ESRRG: variants seen among roughly 807,000 people sequenced by gnomAD.
The protein encoded by ESRRG is estrogen related receptor gamma.
A neutral mutation model predicts 44.0 loss-of-function variants in ESRRG; 13 were observed. The ratio of observed to expected loss-of-function variants is 0.30; its 90% confidence interval spans 0.19 to 0.47. The LOEUF (loss-of-function observed/expected upper bound fraction) is 0.47. ESRRG is among the 20% of genes least tolerant of loss of function. The pLI is 1.00. For missense variants in ESRRG, 395 were observed against 580.6 expected (o/e 0.68, Z 3.29); for synonymous variants, 215 against 214.6 (o/e 1.00, Z -0.02).
chr1:216,779,704 CA>C (rs2147850622), intron 2 of ESRRG, among the ~76,000 whole-genome samples: 1 of 148,312 alleles, frequency 6.7e-6, no homozygotes, highest in East Asian at 2.0e-4. Flanking sequence ...TTCTTGCTAA[CA>C]ATTTAGTCAC....
At chr1:217,002,659 T>C in intron 1 of ESRRG, among the ~76,000 whole-genome samples, 1 of 152,128 alleles carries the variant, frequency 6.6e-6, no homozygotes, top group East Asian at 1.9e-4. Context: ...GGCTAGGTCA[T>C]AAAAGGCATT....
At chr1:216,562,674 A>T (rs2059000046) in intron 5 of ESRRG, among the ~76,000 whole-genome samples, 2 of 152,136 alleles carry the variant, frequency 1.3e-5, no homozygotes, top group African/African-American at 4.8e-5. Flanking sequence ...AAATATCAAT[A>T]ATGCCAAGGC....
At chr1:216,978,948 AC>A (rs2073450426) in intron 1 of ESRRG, among the ~76,000 whole-genome samples, 1 of 152,140 alleles carries the variant, frequency 6.6e-6, no homozygotes, top group African/African-American at 2.4e-5. Context: ...AGCCACAGTG[AC>A]CATGTGCACA....
chr1:216,581,704 C>T (rs955114014), intron 3 of ESRRG, among the ~76,000 whole-genome samples: 2 of 152,092 alleles, frequency 1.3e-5, no homozygotes, highest in South Asian at 2.1e-4. Flanking sequence ...GCATTTACCC[C>T]CAAAGGACAC....
At chr1:217,120,643 T>A (rs947102497) in intron 1 of ESRRG, among the ~76,000 whole-genome samples, 1 of 152,126 alleles carries the variant, frequency 6.6e-6, no homozygotes, top group South Asian at 2.1e-4. Context: ...TTGAACTAGG[T>A]TTTTATTCAA....
At chr1:216,672,705 A>C (rs1218691561) in intron 2 of ESRRG, among the ~76,000 whole-genome samples, 1 of 152,048 alleles carries the variant, frequency 6.6e-6, no homozygotes, top group Admixed American at 6.6e-5. Context: ...CCGTCTCTAC[A>C]AAAGAGTGAA....
chr1:216,511,167 A>T (rs1290814578), intron 6 of ESRRG, among the ~76,000 whole-genome samples: 1 of 152,178 alleles, frequency 6.6e-6, no homozygotes, highest in Non-Finnish European at 1.5e-5. Flanking sequence ...ATGGGTAGTA[A>T]GGAAAGGGTG....
In ESRRG at chr1:217,133,635, CTCTCTCTCTCTCTTTCTTTCTT is replaced by C. The variant is rs1293105593; in HGVS notation, c.-230+4010_-230+4031del. On this transcript the variant is annotated intron_variant, in intron 1 of 8. Transcript: ENST00000366940. Reference sequence around the variant, plus strand: ...TTTCTTTCTTTCTTTCTTTCTTTCTCTCTCTCTCTCTCTTTCTTTCTTTCTTTCTTTCTTTCTTTCTTTCTTT... The same window carrying C: ...TTTCTTTCTTTCTTTCTTTCTTTCTCTCTTTCTTTCTTTCTTTCTTTCTTT... 2.5e-4 allele frequency among the ~76,000 whole-genome samples: 22 copies of C among 87,080 alleles called. 1 individual carries two copies. In the East Asian group the frequency reaches 5.4e-3, roughly 21 times the overall value. The allele number at this position is 87,080 out of a possible 152,430, so 57.1% of individuals were successfully genotyped here.
chr1:217,106,025 A>C (rs2092589920), intron 1 of ESRRG, among the ~76,000 whole-genome samples: 1 of 152,216 alleles, frequency 6.6e-6, no homozygotes, highest in African/African-American at 2.4e-5. Context: ...TTTGTATAGA[A>C]GTTAAACATT....
intron 5 of ESRRG, among the ~76,000 whole-genome samples, chr1:216,528,983 A>G (rs967800251): frequency 6.6e-6 from 1 of 152,154 alleles, no homozygotes; most frequent in African/African-American, 2.4e-5. Flanking sequence ...TACAAACAGC[A>G]AGGAGGGTTC....
At chr1:217,091,712 T>G (rs2151551061), upstream of ESRRG, among the ~76,000 whole-genome samples, 1 of 152,298 alleles carries the variant, frequency 6.6e-6, no homozygotes, top group East Asian at 1.9e-4. Context: ...TCTTGTCGGG[T>G]GCTTAGATGT....
At chr1:216,721,705 A>G (rs1320083010) in intron 1 of ESRRG, among the ~76,000 whole-genome samples, 1 of 152,190 alleles carries the variant, frequency 6.6e-6, no homozygotes, top group Non-Finnish European at 1.5e-5. Flanking sequence ...TTTACAAGAG[A>G]AAGTTCAGAA....
intron 5 of ESRRG, among the ~76,000 whole-genome samples, chr1:216,530,074 T>C (rs547709575): frequency 7.9e-6 from 1 of 126,642 alleles, no homozygotes; most frequent in Non-Finnish European, 1.5e-5. Flanking sequence ...ATTGCACAAC[T>C]GCACTCCAGC....
chr1:216,876,600 CT>C lies in ESRRG; in HGVS notation c.-14+62981del, dbSNP rs970931125. Among the ~76,000 whole-genome samples the C allele has an allele frequency of 5.4e-4, 80 of 148,608 alleles. 1 individual carries two copies. Among genetic ancestry groups the C allele is most frequent in the Admixed American group, 2.3e-3 (35 of 14,946 alleles). On this transcript the variant is annotated intron_variant, in intron 2 of 7. Coordinates refer to the ESRRG transcript ENST00000359162. Reference sequence around the variant, plus strand: ...AATGATAATATCATTTTTGTCATACCTTTTTTTTTCAGGGGTGATCAATCAA... The same window carrying C: ...AATGATAATATCATTTTTGTCATACCTTTTTTTTCAGGGGTGATCAATCAA...
At chr1:216,513,254 CTAGAAAG>C (rs1558180776) in intron 6 of ESRRG, among the ~76,000 whole-genome samples, 1 of 151,982 alleles carries the variant, frequency 6.6e-6, no homozygotes, top group Non-Finnish European at 1.5e-5. Flanking sequence ...ATGGTCTCTT[CTAGAAAG>C]TAATGAATCA....
intron 2 of ESRRG, among the ~76,000 whole-genome samples, chr1:216,658,181 G>C (rs944445880): frequency 6.6e-6 from 1 of 152,070 alleles, no homozygotes; most frequent in African/African-American, 2.4e-5. Flanking sequence ...CCACCTCCCT[G>C]TGCAAAATTT....
chr1:216,659,819 T>G (rs2071777204), intron 2 of ESRRG, among the ~76,000 whole-genome samples: 1 of 152,194 alleles, frequency 6.6e-6, no homozygotes, highest in South Asian at 2.1e-4. Flanking sequence ...TATATGTATC[T>G]GTGGAATTGC....
rs570940689 is a variant in ESRRG at position 216,699,674 on chromosome 1, G to A, written c.57-22183C>T. Among the ~76,000 whole-genome samples, 105 of 152,124 alleles carry A rather than the reference G, an allele frequency of 6.9e-4. 2 individuals are homozygous for A. In the South Asian group the frequency reaches 7.7e-3, roughly 11 times the overall value. On this transcript the variant is annotated intron_variant, in intron 1 of 6. Transcript: ENST00000408911. ...GTTACACTGAAAAAAAAAATGGAAC[G>A]AGGGATGATTTCTGCCCCCTTCATG...
At chr1:216,915,786 A>G (rs1019558617) in intron 2 of ESRRG, among the ~76,000 whole-genome samples, 2 of 152,224 alleles carry the variant, frequency 1.3e-5, no homozygotes, top group Non-Finnish European at 2.9e-5. Flanking sequence ...TCGGCAAATC[A>G]GGAGCTTGCT....
Sources: allele counts gnomAD v4.1 joint callset (sites outside exome capture counted in the v4.1 genomes callset), GRCh38; gene constraint gnomAD v4.1.1; transcripts MANE v1.5; gene names NCBI Gene and HGNC (gene_info 2026-07-23, HGNC 2026-07-21).